Variants in DENND5A observed in about 807,000 individuals in gnomAD.
The protein encoded by DENND5A is DENN domain containing 5A.
Under a neutral mutation model 140.3 loss-of-function variants are expected in DENND5A, and 64 were observed. That is an observed-to-expected ratio of 0.46 (90% CI 0.37 to 0.56). DENND5A has a LOEUF of 0.56. DENND5A is among the 20% of genes least tolerant of loss of function. The pLI is 0.00. For missense variants in DENND5A, 1,292 were observed against 1,593.8 expected, an observed-to-expected ratio of 0.81 and a Z score of 3.22; for synonymous variants, 605 against 607.7, an observed-to-expected ratio of 1.00 and a Z score of 0.07.
intron 12 of DENND5A, among the ~76,000 whole-genome samples, chr11:9,154,831 A>AT (rs1847750307): frequency 1.3e-5 from 2 of 151,848 alleles, no homozygotes; most frequent in Non-Finnish European, 2.9e-5. Flanking sequence ...AGAAAAAAAA[A>AT]TTTTAATTTA....
intron 12 of DENND5A, among the ~76,000 whole-genome samples, chr11:9,156,503 T>C (rs1847806137): frequency 6.6e-6 from 1 of 152,028 alleles, no homozygotes; most frequent in African/African-American, 2.4e-5. Flanking sequence ...GGCCTGAGCC[T>C]GTAATCCCAG....
At chr11:9,166,144 T>C (rs1265362077) in intron 10 of DENND5A, among the ~76,000 whole-genome samples, 177 bp from the exon 11 acceptor site, 1 of 151,528 alleles carries the variant, frequency 6.6e-6, no homozygotes, top group African/African-American at 2.4e-5. Flanking sequence ...AGTGGTGTGA[T>C]CTCAGCTCGC....
At chr11:9,181,132 C>G in intron 5 of DENND5A, 48 bp from the exon 6 acceptor site, 1 of 1,540,964 alleles carries the variant, frequency 6.5e-7, no homozygotes, top group Non-Finnish European at 8.8e-7. Context: ...CAGAGCATTA[C>G]AGGAAGAAGT....
intron 1 of DENND5A, among the ~76,000 whole-genome samples, chr11:9,245,862 G>GACCTCAGGTGATCCGCCT (rs1286093051): frequency 5.3e-5 from 8 of 152,186 alleles, no homozygotes; most frequent in African/African-American, 1.9e-4. Context: ...TCAAACTCCT[G>GACCTCAGGTGATCCGCCT]ACCTCAGGTG....
chr11:9,166,119 G>A (rs1294208191), intron 10 of DENND5A, 152 bp from the exon 11 acceptor site: 12 of 642,962 alleles, frequency 1.9e-5, no homozygotes, highest in East Asian at 1.0e-4. Flanking sequence ...TTGCTCTGTC[G>A]CCAGGCTGGA....
chr11:9,248,401 AAGAG>A (rs1242400638), intron 1 of DENND5A, among the ~76,000 whole-genome samples: 1 of 151,876 alleles, frequency 6.6e-6, no homozygotes, highest in East Asian at 2.0e-4. Flanking sequence ...CCCTCTCCAA[AAGAG>A]AGAGAGAAGC....
At chr11:9,184,024 T>C (rs1237096466) in intron 5 of DENND5A, among the ~76,000 whole-genome samples, 3 of 145,308 alleles carry the variant, frequency 2.1e-5, no homozygotes, top group South Asian at 4.3e-4. Flanking sequence ...GCACTACAGC[T>C]TGGGCAACAA....
In DENND5A at chr11:9,152,428, T is replaced by C. The variant is rs1342995479; in HGVS notation, c.2451A>G (p.Leu817=). The C allele has an allele frequency of 1.2e-6, 2 of 1,613,550 alleles. No individual in the cohort carries two copies. Among genetic ancestry groups the C allele is most frequent in the Admixed American group, 3.3e-5 (2 of 60,016 alleles). Residue 817 remains leucine (L), a synonymous_variant, in exon 13 of 23, where the codon TTA becomes TTG. Coordinates refer to ENST00000328194, the MANE Select transcript of DENND5A (RefSeq NM_015213.4). Reference sequence around the variant, plus strand: ...CCTGATAATGTAACAGGTGGGACCATAAGGCTGATTTCCCCTGGAACCAAT... The same window carrying C: ...CCTGATAATGTAACAGGTGGGACCACAAGGCTGATTTCCCCTGGAACCAAT... ...GLQVKQGKSA[L]WSHLLHYQDN...
At chr11:9,144,758 C>A (rs1332333043) in intron 18 of DENND5A, among the ~76,000 whole-genome samples, 1 of 149,750 alleles carries the variant, frequency 6.7e-6, no homozygotes, top group South Asian at 2.1e-4. Flanking sequence ...CACTGCACTC[C>A]AGCCTAGGTG....
intron 7 of DENND5A, 86 bp from the exon 8 acceptor site, chr11:9,178,452 T>A (rs1299585773): frequency 1.2e-6 from 1 of 813,356 alleles, no homozygotes; most frequent in Non-Finnish European, 2.0e-6. Flanking sequence ...AATTATTCTC[T>A]GAGGCTGCCT....
At chr11:9,252,427 T>A (rs1475531168) in intron 1 of DENND5A, among the ~76,000 whole-genome samples, 1 of 151,836 alleles carries the variant, frequency 6.6e-6, no homozygotes, top group African/African-American at 2.4e-5. Flanking sequence ...GGTGGGTGGA[T>A]CACCTGAGGT....
chr11:9,244,842 G>A (rs989151849), intron 1 of DENND5A, among the ~76,000 whole-genome samples: 3 of 151,870 alleles, frequency 2.0e-5, no homozygotes, highest in Non-Finnish European at 2.9e-5. Context: ...GAAAGCTAAT[G>A]TTTGTATCTT....
chr11:9,150,784 C>CAG lies in DENND5A; in HGVS notation c.2522-21_2522-20insCT. The CAG allele has an allele frequency of 1.3e-6, 2 of 1,563,448 alleles. No individual in the cohort carries two copies. Among genetic ancestry groups the CAG allele is most frequent in the Non-Finnish European group, 1.8e-6 (2 of 1,135,514 alleles). On this transcript the variant is annotated intron_variant, in intron 13 of 22. Coordinates refer to ENST00000328194, the MANE Select transcript of DENND5A (RefSeq NM_015213.4). Reference sequence around the variant, plus strand: ...GTATTCCTAGAATAAACAAGTTGGTCATGTCCAAAGAGATCTGAATATCCA... The same window carrying CAG: ...GTATTCCTAGAATAAACAAGTTGGTCAGATGTCCAAAGAGATCTGAATATCCA...
intron 1 of DENND5A, among the ~76,000 whole-genome samples, chr11:9,237,628 G>A (rs1851056780): frequency 6.6e-6 from 1 of 152,164 alleles, no homozygotes; most frequent in African/African-American, 2.4e-5. Flanking sequence ...GCACATGCCT[G>A]TAATCCCAGC....
At chr11:9,185,318 A>G (rs1848873049) in intron 5 of DENND5A, among the ~76,000 whole-genome samples, 1 of 152,096 alleles carries the variant, frequency 6.6e-6, no homozygotes, top group Non-Finnish European at 1.5e-5. Context: ...TTTTTCCACA[A>G]GATTTAAACT....
chr11:9,144,733 G>T (rs1847366134), intron 18 of DENND5A, among the ~76,000 whole-genome samples: 2 of 151,060 alleles, frequency 1.3e-5, no homozygotes, highest in Non-Finnish European at 2.9e-5. Flanking sequence ...AGGCTGCAGT[G>T]AGCCAAGATC....
chr11:9,183,229 T>C (rs1848793614), intron 5 of DENND5A, among the ~76,000 whole-genome samples: 1 of 152,214 alleles, frequency 6.6e-6, no homozygotes, highest in Non-Finnish European at 1.5e-5. Context: ...TATTAAATGC[T>C]TAAGGGTGCT....
At chr11:9,142,867 G>A (rs146355332) in intron 20 of DENND5A, 22 bp from the exon 21 acceptor site, 26,261 of 1,612,622 alleles carry the variant, frequency 0.016, 255 homozygotes, top group Non-Finnish European at 0.02. Flanking sequence ...AACAGGGGAG[G>A]GTGCCAGGCT....
At chr11:9,157,295 C>A (rs1564886389) in intron 12 of DENND5A, among the ~76,000 whole-genome samples, 1 of 152,150 alleles carries the variant, frequency 6.6e-6, no homozygotes. Context: ...CTTTCATTGC[C>A]TCTAATGATC....
Sources: allele counts gnomAD v4.1 joint callset (sites outside exome capture counted in the v4.1 genomes callset), GRCh38; gene constraint gnomAD v4.1.1; transcripts MANE v1.5; gene names NCBI Gene and HGNC (gene_info 2026-07-23, HGNC 2026-07-21).